SPAG16: variants seen among roughly 807,000 people sequenced by gnomAD.
The protein encoded by SPAG16 is sperm-associated antigen 16 protein.
SPAG16 carries 86 observed loss-of-function variants against 80.4 expected under a neutral mutation model. The observed-to-expected ratio is 1.07, with a 90% CI of 0.90 to 1.28. The LOEUF (loss-of-function observed/expected upper bound fraction) is 1.28, where lower values mean the gene tolerates loss of function less well. Ranked by LOEUF, SPAG16 falls within the 50% of genes most tolerant of loss-of-function variation. SPAG16 has a pLI of 0.00. For synonymous variants in SPAG16, 294 were observed against 265.9 expected, an observed-to-expected ratio of 1.11 and a Z score of -1.03; for missense variants, 870 against 765.3, an observed-to-expected ratio of 1.14 and a Z score of -1.61.
chr2:214,205,710 T>C (rs1227487886), intron 15 of SPAG16, among the ~76,000 whole-genome samples: 1 of 152,174 alleles, frequency 6.6e-6, no homozygotes, highest in Admixed American at 6.5e-5. Flanking sequence ...AATTTGAGGG[T>C]ATATTGAAAG....
chr2:214,281,997 G>A (rs187345983), intron 15 of SPAG16, among the ~76,000 whole-genome samples: 4 of 152,256 alleles, frequency 2.6e-5, no homozygotes, highest in Admixed American at 2.6e-4. Context: ...GCTTCCTGTA[G>A]AGAGGATTGC....
chr2:213,914,685 T>C (rs2077864817), intron 11 of SPAG16, among the ~76,000 whole-genome samples: 1 of 152,200 alleles, frequency 6.6e-6, no homozygotes, highest in Non-Finnish European at 1.5e-5. Context: ...TAAAACTGTT[T>C]TAAAATTTGC....
At chr2:213,893,227 G>T (rs1559558831) in intron 11 of SPAG16, among the ~76,000 whole-genome samples, 3 of 152,054 alleles carry the variant, frequency 2.0e-5, no homozygotes, top group Admixed American at 6.6e-5. Flanking sequence ...CTGTCCTTCA[G>T]CTATGAAACA....
At chr2:214,046,961 T>C (rs1024304611) in intron 13 of SPAG16, among the ~76,000 whole-genome samples, 1 of 148,444 alleles carries the variant, frequency 6.7e-6, no homozygotes, top group Non-Finnish European at 1.5e-5. Context: ...TAAAATAATA[T>C]AACTAGGAAT....
chr2:214,336,153 G>A (rs1312011205), intron 15 of SPAG16, among the ~76,000 whole-genome samples: 2 of 152,186 alleles, frequency 1.3e-5, no homozygotes, highest in Non-Finnish European at 2.9e-5. Context: ...TTGGAAGGAA[G>A]ACAATATTAA....
At chr2:213,481,846 G>A (rs1440560838) in intron 9 of SPAG16, among the ~76,000 whole-genome samples, 1 of 152,212 alleles carries the variant, frequency 6.6e-6, no homozygotes, top group Non-Finnish European at 1.5e-5. Context: ...CAAGAGAAGG[G>A]CACAGACTTC....
intron 10 of SPAG16, among the ~76,000 whole-genome samples, chr2:213,586,674 G>A (rs1559282782): frequency 6.6e-6 from 1 of 152,126 alleles, no homozygotes; most frequent in Non-Finnish European, 1.5e-5. Flanking sequence ...ATCAGATATG[G>A]GTGAGACTCA....
chr2:214,230,029 T>A (rs1688581335), intron 15 of SPAG16, among the ~76,000 whole-genome samples: 2 of 151,812 alleles, frequency 1.3e-5, no homozygotes, highest in Non-Finnish European at 2.9e-5. Flanking sequence ...CCTAATATAT[T>A]ATAGCAGATG....
chr2:214,183,256 C>T (rs570393825), intron 15 of SPAG16, among the ~76,000 whole-genome samples: 2 of 152,042 alleles, frequency 1.3e-5, no homozygotes, highest in African/African-American at 4.8e-5. Flanking sequence ...CATATCATGC[C>T]TAAATTTACT....
chr2:213,882,134 ATTGATTTGCACATG>A (rs2076367294), intron 11 of SPAG16, among the ~76,000 whole-genome samples: 1 of 152,156 alleles, frequency 6.6e-6, no homozygotes, highest in Non-Finnish European at 1.5e-5. Context: ...AATTATATTT[ATTGATTTGCACATG>A]TTGAATCAGC....
In SPAG16 at chr2:213,386,501, A is replaced by G. The variant is rs185643879; in HGVS notation, c.942+11382A>G. Among the ~76,000 whole-genome samples the G allele has an allele frequency of 4.6e-5, 7 of 152,188 alleles. No homozygotes were observed. The East Asian group carries it at 1.4e-3, about 29-fold the overall frequency. Reference sequence around the variant, plus strand: ...AGGCTGTCTTTCAATAGTTCATTCTATGTTTCATGGATTGATAACTTTCCC... The same window carrying G: ...AGGCTGTCTTTCAATAGTTCATTCTGTGTTTCATGGATTGATAACTTTCCC... On this transcript the variant is annotated intron_variant, in intron 9 of 15. Coordinates refer to ENST00000331683, the MANE Select transcript of SPAG16 (RefSeq NM_024532.5).
intron 15 of SPAG16, among the ~76,000 whole-genome samples, chr2:214,214,903 C>T (rs1427392410): frequency 6.6e-6 from 1 of 151,058 alleles, no homozygotes; most frequent in Non-Finnish European, 1.5e-5. Context: ...TATCTCACAG[C>T]AACCTGTGCA....
At chr2:213,709,458 C>A (rs1035834789) in intron 10 of SPAG16, among the ~76,000 whole-genome samples, 6 of 152,118 alleles carry the variant, frequency 3.9e-5, no homozygotes, top group African/African-American at 1.4e-4. Flanking sequence ...ATATTTCAAG[C>A]TATAATTCAG....
intron 12 of SPAG16, among the ~76,000 whole-genome samples, chr2:213,969,708 A>G (rs1363265617): frequency 1.3e-5 from 2 of 152,166 alleles, no homozygotes; most frequent in Non-Finnish European, 2.9e-5. Flanking sequence ...TATAAATCAT[A>G]TAATCCCAGG....
At chr2:213,404,736 A>T (rs2068518700) in intron 9 of SPAG16, among the ~76,000 whole-genome samples, 1 of 152,110 alleles carries the variant, frequency 6.6e-6, no homozygotes, top group Non-Finnish European at 1.5e-5. Flanking sequence ...TTTATTCTTA[A>T]TTGTCCAGTT....
intron 11 of SPAG16, among the ~76,000 whole-genome samples, chr2:213,895,002 A>C (rs1191147618): frequency 7.0e-5 from 10 of 143,088 alleles, no homozygotes; most frequent in Non-Finnish European, 1.1e-4. Context: ...AAAAAAAAAA[A>C]AAAAAAAAAA....
chr2:213,319,457 T>C (rs1483237886), intron 5 of SPAG16, among the ~76,000 whole-genome samples: 1 of 151,954 alleles, frequency 6.6e-6, no homozygotes, highest in Non-Finnish European at 1.5e-5. Context: ...ATATTTTACA[T>C]TAGAAGTGTA....
At chr2:214,250,745 T>TAGAGAGAGAG (rs1398273243) in intron 15 of SPAG16, among the ~76,000 whole-genome samples, 1 of 86,174 alleles carries the variant, frequency 1.2e-5, no homozygotes, top group Non-Finnish European at 2.8e-5. Context: ...TATATATATA[T>TAGAGAGAGAG]ATATATATAT....
chr2:213,497,961 C>G (rs1250737764), intron 10 of SPAG16, among the ~76,000 whole-genome samples: 1 of 152,068 alleles, frequency 6.6e-6, no homozygotes, highest in African/African-American at 2.4e-5. Context: ...CTATTACATA[C>G]TGTATAACAG....
Sources: gnomAD v4.1 joint callset for allele counts (sites outside exome capture counted in the v4.1 genomes callset) on GRCh38, gnomAD v4.1.1 for gene constraint, MANE v1.5 for transcripts, NCBI Gene and HGNC (gene_info 2026-07-23, HGNC 2026-07-21) for gene names.